The following GRM5 variants were observed in gnomAD, a reference collection of about 807,000 sequenced individuals.
The protein encoded by GRM5 is glutamate metabotropic receptor 5, also known as metabotropic glutamate receptor 5.
A neutral mutation model predicts 83.1 loss-of-function variants in GRM5; 19 were observed. The observed-to-expected ratio is 0.23, with a 90% CI of 0.16 to 0.34. GRM5 has a LOEUF of 0.34. GRM5 is among the 10% of genes least tolerant of loss of function. The pLI is 1.00. For missense variants in GRM5, 1,160 were observed against 1,588.3 expected, an observed-to-expected ratio of 0.73 and a Z score of 4.58; for synonymous variants, 675 against 633.6, an observed-to-expected ratio of 1.07 and a Z score of -0.98.
At position 88,974,492 on chromosome 11, in the gene GRM5, GTGTA is replaced by G. The variant is rs931441127; in HGVS notation, c.661+72716_661+72719del. 4.6e-5 allele frequency among the ~76,000 whole-genome samples: 7 copies of G among 152,074 alleles called. No homozygotes were observed. In the East Asian group the frequency reaches 1.2e-3, roughly 25 times the overall value. ...CAATAAATGCTTATAATATTAATTGGTGTATGTATGAATGAATCATAAATGGATG... is the reference window on the plus strand; with the variant it reads ...CAATAAATGCTTATAATATTAATTGGTGTATGAATGAATCATAAATGGATG... On this transcript the variant is annotated intron_variant, in intron 2 of 9. Transcript: ENST00000305447.
chr11:88,660,523 T>C (rs758996461), intron 3 of GRM5, among the ~76,000 whole-genome samples: 1 of 152,148 alleles, frequency 6.6e-6, no homozygotes, highest in Non-Finnish European at 1.5e-5. Flanking sequence ...CATAAGTACA[T>C]TCTGTACCCA....
intron 3 of GRM5, among the ~76,000 whole-genome samples, chr11:88,702,660 G>T (rs936372894): frequency 6.6e-6 from 1 of 152,092 alleles, no homozygotes; most frequent in Non-Finnish European, 1.5e-5. Flanking sequence ...AAATTCATAT[G>T]TTGAAGCCCA....
At chr11:88,512,935 T>C (rs1231350785) in intron 9 of GRM5, among the ~76,000 whole-genome samples, 1 of 152,220 alleles carries the variant, frequency 6.6e-6, no homozygotes, top group Non-Finnish European at 1.5e-5. Context: ...CTTTCTCTTT[T>C]ACCTGACCTG....
At chr11:88,995,931 G>A (rs1940172431) in intron 2 of GRM5, among the ~76,000 whole-genome samples, 1 of 151,026 alleles carries the variant, frequency 6.6e-6, no homozygotes, top group Non-Finnish European at 1.5e-5. Flanking sequence ...TTCATCCAAA[G>A]ACTTTCCAGA....
intron 3 of GRM5, among the ~76,000 whole-genome samples, chr11:88,786,913 T>C (rs576386756): frequency 1.5e-4 from 23 of 152,178 alleles, no homozygotes; most frequent in African/African-American, 5.5e-4. Context: ...CTATAAATGT[T>C]TGTAGAATGA....
chr11:88,965,233 G>A (rs764298211), intron 2 of GRM5, among the ~76,000 whole-genome samples: 1 of 152,112 alleles, frequency 6.6e-6, no homozygotes, highest in African/African-American at 2.4e-5. Context: ...TCACAGTTCT[G>A]GAGGCTGGAA....
intron 3 of GRM5, among the ~76,000 whole-genome samples, chr11:88,775,239 T>C (rs2135454729): frequency 6.6e-6 from 1 of 152,322 alleles, no homozygotes; most frequent in East Asian, 1.9e-4. Context: ...GAGGGGTTTA[T>C]AGTATTCTCT....
At chr11:89,037,811 T>G (rs958235797) in intron 2 of GRM5, among the ~76,000 whole-genome samples, 1 of 152,108 alleles carries the variant, frequency 6.6e-6, no homozygotes, top group Non-Finnish European at 1.5e-5. Context: ...CGGTTACATT[T>G]CTCTAGAAAA....
rs143570946 is a variant in GRM5, at chr11:88,769,068, C to T, written c.911+80838G>A. Among the ~76,000 whole-genome samples, 23 of 152,138 alleles carry T rather than the reference C, an allele frequency of 1.5e-4. No individual in the cohort carries two copies. The East Asian group carries it at 3.5e-3, about 23-fold the overall frequency. On this transcript the variant is annotated intron_variant, in intron 3 of 9. Coordinates refer to ENST00000305447, the MANE Select transcript of GRM5 (RefSeq NM_001143831.3). Reference sequence around the variant, plus strand: ...AAGAAACTGCATGTTAAGTACTGCGCTCTAGTCAATAAATTTGTTTCCCAT... The same window carrying T: ...AAGAAACTGCATGTTAAGTACTGCGTTCTAGTCAATAAATTTGTTTCCCAT...
chr11:88,923,147 G>A (rs1945723668), intron 2 of GRM5, among the ~76,000 whole-genome samples: 1 of 152,082 alleles, frequency 6.6e-6, no homozygotes, highest in African/African-American at 2.4e-5. Flanking sequence ...AGTGTGGAGG[G>A]TCCTCAGAAA....
At chr11:88,761,681 T>C (rs1942519704) in intron 3 of GRM5, among the ~76,000 whole-genome samples, 1 of 151,962 alleles carries the variant, frequency 6.6e-6, no homozygotes, top group South Asian at 2.1e-4. Context: ...ATGATACTCT[T>C]CACAGAACTA....
intron 2 of GRM5, among the ~76,000 whole-genome samples, chr11:88,937,338 GTAGA>G (rs894786756): frequency 3.3e-5 from 5 of 151,644 alleles, no homozygotes; most frequent in African/African-American, 9.7e-5. Flanking sequence ...AGTTTGAGAA[GTAGA>G]TAAAGTAATA....
At chr11:88,649,081 CATATATTAAAATATATAATAT>C (rs1939551324) in intron 4 of GRM5, among the ~76,000 whole-genome samples, 1 of 142,454 alleles carries the variant, frequency 7.0e-6, no homozygotes, top group Non-Finnish European at 1.5e-5. Flanking sequence ...ATATATAATA[CATATATTAAAATATATAATAT>C]ATATTAAATA....
intron 1 of GRM5, among the ~76,000 whole-genome samples, chr11:89,059,466 T>A (rs1941943981): frequency 6.6e-6 from 1 of 152,134 alleles, no homozygotes; most frequent in Non-Finnish European, 1.5e-5. Context: ...TTCAAAAAAA[T>A]TGATATATGT....
chr11:88,659,819 A>G lies in GRM5; in HGVS notation c.912-6416T>C, dbSNP rs113094728. ...AGGATTATGGAATGTTAGGGCAGCGATGCCAAATAATTTAAAAATCTATCT... is the reference window on the plus strand; with the variant it reads ...AGGATTATGGAATGTTAGGGCAGCGGTGCCAAATAATTTAAAAATCTATCT... On this transcript the variant is annotated intron_variant, in intron 3 of 9. Transcript: ENST00000305447. Among the ~76,000 whole-genome samples, 106 of 152,358 alleles carry G rather than the reference A, an allele frequency of 7.0e-4. 6 individuals carry two copies. The highest frequency in any genetic ancestry group is 2.4e-3 in the African/African-American group (100 of 41,594).
In GRM5 at chr11:88,508,400, G is replaced by A. The variant is rs1293158457; in HGVS notation, c.*192C>T. 3 of 493,960 alleles carry A rather than the reference G, an allele frequency of 6.1e-6. No individual in the cohort carries two copies. Among genetic ancestry groups the A allele is most frequent in the Non-Finnish European group, 7.1e-6 (2 of 283,136 alleles). The allele number at this position is 493,960 out of a possible 1,614,324, so 30.6% of individuals were successfully genotyped here. ...TTCTAAGGCCACTAGAAGAAAATCT[G>A]CCAAAAGATTTGTCGTCGGTTTCTT... On this transcript the variant is annotated 3_prime_UTR_variant, in exon 10 of 10. Transcript: ENST00000305447. The surrounding 1 kb of genome is among the most constrained non-coding windows in gnomAD (Gnocchi z 4.2).
At chr11:89,056,572 C>A (rs997584967) in intron 1 of GRM5, among the ~76,000 whole-genome samples, 3 of 152,038 alleles carry the variant, frequency 2.0e-5, no homozygotes, top group African/African-American at 4.8e-5. Flanking sequence ...GAAACAAATT[C>A]TCAAGTAAAA....
At chr11:88,718,159 T>G (rs1310576574) in intron 3 of GRM5, among the ~76,000 whole-genome samples, 2 of 151,888 alleles carry the variant, frequency 1.3e-5, no homozygotes, top group Non-Finnish European at 2.9e-5. Context: ...CTTCCTGATT[T>G]TACCATATCA....
chr11:88,903,444 C>T (rs1327595752), intron 2 of GRM5, among the ~76,000 whole-genome samples: 8 of 152,088 alleles, frequency 5.3e-5, no homozygotes, highest in East Asian at 1.9e-4. Context: ...GATGCCTGCT[C>T]GCATATGTTT....
Sources: gnomAD v4.1 joint callset for allele counts (sites outside exome capture counted in the v4.1 genomes callset) on GRCh38, gnomAD v4.1.1 for gene constraint, Gnocchi (gnomAD v3.1) non-coding constraint, MANE v1.5 for transcripts, NCBI Gene and HGNC (gene_info 2026-07-23, HGNC 2026-07-21) for gene names.